The following P2RY1 variants were observed in gnomAD, a reference collection of about 807,000 sequenced individuals.
The protein encoded by P2RY1 is P2Y purinoceptor 1.
P2RY1 carries 14 observed loss-of-function variants against 22.8 expected under a neutral mutation model. That is an observed-to-expected ratio of 0.61 (90% CI 0.41 to 0.96). The LOEUF (loss-of-function observed/expected upper bound fraction) is 0.96, where lower values mean the gene tolerates loss of function less well. Ranked by LOEUF, P2RY1 falls within the 40% of genes least tolerant of loss-of-function variation. P2RY1 has a pLI of 0.00. For synonymous variants in P2RY1, 200 were observed against 195.1 expected, an observed-to-expected ratio of 1.03 and a Z score of -0.21; for missense variants, 395 against 470.3, an observed-to-expected ratio of 0.84 and a Z score of 1.48.
Position 152,836,941 on chromosome 3 carries a change from A to G in P2RY1, c.*37A>G. The G allele has an allele frequency of 6.8e-7, 1 of 1,478,586 alleles. No homozygotes were observed. Among genetic ancestry groups the G allele is most frequent in the Non-Finnish European group, 9.2e-7 (1 of 1,085,166 alleles). The allele number at this position is 1,478,586 out of a possible 1,614,324, so 91.6% of individuals were successfully genotyped here. On this transcript the variant is annotated 3_prime_UTR_variant, in exon 1 of 1. Coordinates refer to ENST00000305097, the MANE Select transcript of P2RY1 (RefSeq NM_002563.5). This position sits in a 1 kb window ranked among gnomAD's most constrained non-coding sequence, Gnocchi z 5.6. ...TCTCCAAACACCTCTCTGTTGTAAT[A>G]TGGTAGGATGCTTAACAGAATCAAG... is the stretch of plus-strand genomic sequence containing the variant.
rs2108026822 is a variant in P2RY1 at position 152,836,090 on chromosome 3, C to T, written c.308C>T (p.Thr103Ile). 6.2e-7 allele frequency: 1 copy of T among 1,614,196 alleles called. No individual in the cohort carries two copies. Among genetic ancestry groups the T allele is most frequent in the Non-Finnish European group, 8.5e-7 (1 of 1,180,038 alleles). Residue 103 changes from threonine (T) to isoleucine (I), a missense_variant, in exon 1 of 1, where the codon ACT becomes ATT. By Grantham distance (89) the Thr-to-Ile change is moderately conservative. This residue lies in a region of P2RY1 where 291 missense variants were observed against 361.6 expected (regional missense o/e 0.80). Transcript: ENST00000305097. The surrounding 1 kb of genome is among the most constrained non-coding windows in gnomAD (Gnocchi z 5.6). ...CTGGCCGACTTCTTGTACGTGCTGA[C>T]TCTGCCAGCCCTGATCTTCTACTAC... is the stretch of plus-strand genomic sequence containing the variant. Reference protein sequence around the residue: ...LALADFLYVLTLPALIFYYFN... With the variant: ...LALADFLYVLILPALIFYYFN...
In P2RY1 at chr3:152,840,394, C is replaced by T. The variant is rs903032873; in HGVS notation, c.*3490C>T. ...ATTTGGTGTCAGACTATCATAAGAT[C>T]GATAGTGAATATAAAATATCTTAGC... On this transcript the variant is annotated 3_prime_UTR_variant, in exon 1 of 1. Transcript: ENST00000305097. 6.6e-5 allele frequency: 10 copies of T among 151,898 alleles called. No homozygotes were observed. The highest frequency in any genetic ancestry group is 1.7e-4 in the African/African-American group (7 of 41,354). The allele number at this position is 151,898 out of a possible 1,614,324, so 9.4% of individuals were successfully genotyped here.
chr3:152,835,954 T>C lies in P2RY1; in HGVS notation c.172T>C (p.Tyr58His). ...GFQFYYLPAV[Y>H]ILVFIIGFLG... ...CCAGTTTTACTACCTGCCGGCTGTC[T>C]ACATCTTGGTATTCATCATCGGCTT... Residue 58 changes from tyrosine to histidine, a missense_variant, in exon 1 of 1, where the codon TAC becomes CAC. By Grantham distance (83) the Tyr-to-His change is moderately conservative. Around this residue, in one of 3 missense-constraint regions of P2RY1, gnomAD observed 98 missense variants for 87.7 expected, o/e 1.12. Transcript: ENST00000305097. 1 of 1,614,230 alleles carries C rather than the reference T, an allele frequency of 6.2e-7. No homozygotes were observed. The highest frequency in any genetic ancestry group is 8.5e-7 in the Non-Finnish European group (1 of 1,180,032).
Position 152,835,820 on chromosome 3 carries a change from C to T in P2RY1, c.38C>T (p.Thr13Met). 6.2e-7 allele frequency: 1 copy of T among 1,610,646 alleles called. No individual in the cohort carries two copies. Among genetic ancestry groups the T allele is most frequent in the Non-Finnish European group, 8.5e-7 (1 of 1,179,620 alleles). Residue 13 changes from threonine to methionine, a missense_variant, in exon 1 of 1, where the codon ACG (threonine) becomes ATG (methionine). Transcript: ENST00000305097. ...CTGTGGCCGGCTGTCCCCAACGGGA[C>T]GGACGCTGCCTTCCTGGCCGGTCCG... ...EVLWPAVPNG[T>M]DAAFLAGPGS...
Position 152,840,756 on chromosome 3 carries a change from T to A in P2RY1, c.*3852T>A, listed in dbSNP as rs1716277435. 6.6e-6 allele frequency: 1 copy of A among 152,240 alleles called. No individual in the cohort carries two copies. The highest frequency in any genetic ancestry group is 2.4e-5 in the African/African-American group (1 of 41,472). 9.4% of individuals were successfully genotyped at this position (152,240 alleles called of 1,614,324 possible). Reference sequence around the variant, plus strand: ...AATCTTAACTGTTTTGAGATGGAATTTTAAAGTAACACACTACCAGCGAGT... The same window carrying A: ...AATCTTAACTGTTTTGAGATGGAATATTAAAGTAACACACTACCAGCGAGT... On this transcript the variant is annotated 3_prime_UTR_variant, in exon 1 of 1. Transcript: ENST00000305097.
chr3:152,835,638 C>T lies in P2RY1; in HGVS notation c.-145C>T, dbSNP rs748848423. On this transcript the variant is annotated 5_prime_UTR_variant, in exon 1 of 1. Transcript: ENST00000305097. ...GGGCCAGAGCTGGCGTGGGCGAGCC[C>T]CTGCGCGCCCCCTCCCGCGGGGATC... 6.9e-5 allele frequency: 54 copies of T among 787,392 alleles called. No homozygotes were observed. Among genetic ancestry groups the T allele is most frequent in the African/African-American group, 1.1e-4 (6 of 56,624 alleles). The allele number at this position is 787,392 out of a possible 1,614,324, so 48.8% of individuals were successfully genotyped here.
chr3:152,837,434 T>A lies in P2RY1; in HGVS notation c.*530T>A. 1 of 167,192 alleles carries A rather than the reference T, an allele frequency of 6.0e-6. No homozygotes were observed. 10.4% of individuals were successfully genotyped at this position (167,192 alleles called of 1,614,324 possible). On this transcript the variant is annotated 3_prime_UTR_variant, in exon 1 of 1. Transcript: ENST00000305097. ...TCTCTGAGCGGGGTGTTTTTTTCAG[T>A]GTCTTATAAGCATAGATGATAGTTG...
chr3:152,840,418 G>C lies in P2RY1; in HGVS notation c.*3514G>C, dbSNP rs575422778. 6.6e-6 allele frequency: 1 copy of C among 152,200 alleles called. No individual in the cohort carries two copies. The highest frequency in any genetic ancestry group is 1.9e-4 in the East Asian group (1 of 5,178). 9.4% of individuals were successfully genotyped at this position (152,200 alleles called of 1,614,324 possible). ...TCGATAGTGAATATAAAATATCTTA[G>C]CCAAATGGGGTCTGTATTGTCTACA... On this transcript the variant is annotated 3_prime_UTR_variant, in exon 1 of 1. Transcript: ENST00000305097.
Position 152,838,100 on chromosome 3 carries a change from C to CTA in P2RY1, c.*1199_*1200dup, listed in dbSNP as rs375733063. Reference sequence around the variant, plus strand: ...TAGGTTGCATTGATAGAATGGGAAGCTATAATCTTTGAATAAACCTTACAT... The same window carrying CTA: ...TAGGTTGCATTGATAGAATGGGAAGCTATATAATCTTTGAATAAACCTTACAT... On this transcript the variant is annotated 3_prime_UTR_variant, in exon 1 of 1. Coordinates refer to ENST00000305097, the MANE Select transcript of P2RY1 (RefSeq NM_002563.5). 161 of 162,676 alleles carry CTA rather than the reference C, an allele frequency of 9.9e-4. 3 individuals are homozygous for CTA. In the East Asian group the frequency reaches 0.027, roughly 27 times the overall value. The allele number at this position is 162,676 out of a possible 1,614,324, so 10.1% of individuals were successfully genotyped here.
At position 152,835,925 on chromosome 3, in the gene P2RY1, G is replaced by C. The variant is rs1285510994; in HGVS notation, c.143G>C (p.Gly48Ala). The change falls in exon 1 of 1, where the codon GGC (glycine) becomes GCC (alanine). Residue 48 changes from glycine to alanine, a missense_variant. This residue lies in a region of P2RY1 where 98 missense variants were observed against 87.7 expected (regional missense o/e 1.12). Transcript: ENST00000305097. Reference sequence around the variant, plus strand: ...TTCAAATGCGCCTTGACCAAGACGGGCTTCCAGTTTTACTACCTGCCGGCT... The same window carrying C: ...TTCAAATGCGCCTTGACCAAGACGGCCTTCCAGTTTTACTACCTGCCGGCT... The part of the protein sequence containing the change: ...SSFKCALTKT[G>A]FQFYYLPAVY... 6.2e-7 allele frequency: 1 copy of C among 1,614,212 alleles called. No homozygotes were observed. Among genetic ancestry groups the C allele is most frequent in the African/African-American group, 1.3e-5 (1 of 75,062 alleles).
chr3:152,840,013 C>G lies in P2RY1; in HGVS notation c.*3109C>G, dbSNP rs1387036516. On this transcript the variant is annotated 3_prime_UTR_variant, in exon 1 of 1. Coordinates refer to ENST00000305097, the MANE Select transcript of P2RY1 (RefSeq NM_002563.5). ...TAGTTAGTATCTATTGAAGCTTAAA[C>G]TTTGCTGGTCAGGTTGTAGCTATTG... 1 of 152,132 alleles carries G rather than the reference C, an allele frequency of 6.6e-6. No homozygotes were observed. Among genetic ancestry groups the G allele is most frequent in the Non-Finnish European group, 1.5e-5 (1 of 68,024 alleles). 9.4% of individuals were successfully genotyped at this position (152,132 alleles called of 1,614,324 possible).
At position 152,840,816 on chromosome 3, in the gene P2RY1, TGTTTA is replaced by T. The variant is rs1054217402; in HGVS notation, c.*3916_*3920del. ...CTATTGATTTTAATCTGTTTTTTTT[TGTTTA>T]GTTGATAACTTAAATTCCAAGTTTC... On this transcript the variant is annotated 3_prime_UTR_variant, in exon 1 of 1. Transcript: ENST00000305097. The T allele has an allele frequency of 1.3e-5, 2 of 152,190 alleles. No individual in the cohort carries two copies. The highest frequency in any genetic ancestry group is 4.8e-5 in the African/African-American group (2 of 41,444). The allele number at this position is 152,190 out of a possible 1,614,324, so 9.4% of individuals were successfully genotyped here. A position where few individuals can be genotyped will look rare whatever the true frequency, so the allele number is the denominator to read the frequency against.
Position 152,836,844 on chromosome 3 carries a change from T to G in P2RY1, c.1062T>G (p.Ser354Arg). 1 of 1,613,508 alleles carries G rather than the reference T, an allele frequency of 6.2e-7. No individual in the cohort carries two copies. The highest frequency in any genetic ancestry group is 8.5e-7 in the Non-Finnish European group (1 of 1,179,874). The stretch of plus-strand genomic sequence containing the variant: ...GTGAGGCAAATTTGCAATCCAAGAG[T>G]GAAGACATGACCCTCAATATTTTAC... The part of the protein sequence containing the change: ...RRSEANLQSK[S>R]EDMTLNILPE... Residue 354 changes from serine to arginine, a missense_variant, in exon 1 of 1, where the codon AGT (serine) becomes AGG (arginine). Transcript: ENST00000305097. The surrounding 1 kb of genome is among the most constrained non-coding windows in gnomAD (Gnocchi z 5.6).
In P2RY1 at chr3:152,835,853, C is replaced by T. The variant is rs770279634; in HGVS notation, c.71C>T (p.Ser24Phe). 11 of 1,613,382 alleles carry T rather than the reference C, an allele frequency of 6.8e-6. No individual in the cohort carries two copies. The Admixed American group carries it at 1.5e-4, about 22-fold the overall frequency. Reference sequence around the variant, plus strand: ...GCCTTCCTGGCCGGTCCGGGTTCGTCCTGGGGGAACAGCACGGTCGCCTCC... The same window carrying T: ...GCCTTCCTGGCCGGTCCGGGTTCGTTCTGGGGGAACAGCACGGTCGCCTCC... ...DAAFLAGPGSSWGNSTVASTA... is the reference protein window; with the variant it reads ...DAAFLAGPGSFWGNSTVASTA... Residue 24 changes from serine (S) to phenylalanine (F), a missense_variant, in exon 1 of 1, where the codon TCC (serine) becomes TTC (phenylalanine). Around this residue, in one of 3 missense-constraint regions of P2RY1, gnomAD observed 98 missense variants for 87.7 expected, o/e 1.12. Transcript: ENST00000305097.
Position 152,836,489 on chromosome 3 carries a change from G to C in P2RY1, c.707G>C (p.Cys236Ser). Residue 236 changes from cysteine to serine, a missense_variant, in exon 1 of 1, where the codon TGT (cysteine) becomes TCT (serine). Cys to Ser is a moderately radical substitution (Grantham distance 112, BLOSUM62 -1). Transcript: ENST00000305097. This position sits in a 1 kb window ranked among gnomAD's most constrained non-coding sequence, Gnocchi z 5.6. ...FCVPLVLILG[C>S]YGLIVRALIY... The stretch of plus-strand genomic sequence containing the variant: ...GTCCCCTTGGTGCTGATTCTGGGCT[G>C]TTACGGATTAATTGTGAGAGCTTTG... 6.2e-7 allele frequency: 1 copy of C among 1,614,206 alleles called. No homozygotes were observed. Among genetic ancestry groups the C allele is most frequent in the East Asian group, 2.2e-5 (1 of 44,886 alleles).
chr3:152,839,487 C>T lies in P2RY1; in HGVS notation c.*2583C>T, dbSNP rs1264376337. 2.0e-5 allele frequency: 3 copies of T among 152,140 alleles called. No homozygotes were observed. Among genetic ancestry groups the T allele is most frequent in the East Asian group, 1.9e-4 (1 of 5,200 alleles). The allele number at this position is 152,140 out of a possible 1,614,324, so 9.4% of individuals were successfully genotyped here. A position where few individuals can be genotyped will look rare whatever the true frequency, so the allele number is the denominator to read the frequency against. On this transcript the variant is annotated 3_prime_UTR_variant, in exon 1 of 1. Coordinates refer to ENST00000305097, the MANE Select transcript of P2RY1 (RefSeq NM_002563.5). ...GAACTTATTACCTAACAAAATTTCA[C>T]ACCACAAAAAATATTTTAATGGCAA... is the stretch of plus-strand genomic sequence containing the variant.
rs1361134310 is a variant in P2RY1, at chr3:152,840,409, A to T, written c.*3505A>T. On this transcript the variant is annotated 3_prime_UTR_variant, in exon 1 of 1. Transcript: ENST00000305097. The stretch of plus-strand genomic sequence containing the variant: ...ATCATAAGATCGATAGTGAATATAA[A>T]ATATCTTAGCCAAATGGGGTCTGTA... 6.6e-6 allele frequency: 1 copy of T among 152,208 alleles called. No homozygotes were observed. The highest frequency in any genetic ancestry group is 1.5e-5 in the Non-Finnish European group (1 of 68,028). 9.4% of individuals were successfully genotyped at this position (152,208 alleles called of 1,614,324 possible).
chr3:152,835,738 C>T lies in P2RY1; in HGVS notation c.-45C>T. ...CCCCTGGCCGCCGCTGCCCTCTCGC[C>T]GCCTCCTACCCCTCGGAGCCGCCGC... On this transcript the variant is annotated 5_prime_UTR_variant, in exon 1 of 1. Transcript: ENST00000305097. 6.6e-7 allele frequency: 1 copy of T among 1,514,976 alleles called. No homozygotes were observed. The highest frequency in any genetic ancestry group is 8.8e-7 in the Non-Finnish European group (1 of 1,138,568). 93.8% of individuals were successfully genotyped at this position (1,514,976 alleles called of 1,614,324 possible).
At position 152,836,359 on chromosome 3, in the gene P2RY1, G is replaced by A. The variant is rs369758925; in HGVS notation, c.577G>A (p.Gly193Arg). The change falls in exon 1 of 1, where the codon GGG (glycine) becomes AGG (arginine). Residue 193 changes from glycine to arginine, a missense_variant. Coordinates refer to ENST00000305097, the MANE Select transcript of P2RY1 (RefSeq NM_002563.5). The surrounding 1 kb of genome is among the most constrained non-coding windows in gnomAD (Gnocchi z 5.6). ...CCCCATCCTCTTCTACTCAGGTACC[G>A]GGGTCCGCAAAAACAAAACCATCAC... ...ISPILFYSGT[G>R]VRKNKTITCY... The A allele has an allele frequency of 1.2e-6, 2 of 1,613,884 alleles. No individual in the cohort carries two copies. Among genetic ancestry groups the A allele is most frequent in the African/African-American group, 1.3e-5 (1 of 74,848 alleles).
Sources: gnomAD v4.1 joint callset for allele counts on GRCh38, gnomAD v4.1.1 for gene constraint, gnomAD v4.1.1 regional missense constraint, Gnocchi (gnomAD v3.1) non-coding constraint, MANE v1.5 for transcripts, NCBI Gene and HGNC (gene_info 2026-07-23, HGNC 2026-07-21) for gene names.